TCEANC2: variants seen among roughly 807,000 people sequenced by gnomAD.
The protein encoded by TCEANC2 is transcription elongation factor A N-terminal and central domain-containing protein 2.
Under a neutral mutation model 22.8 loss-of-function variants are expected in TCEANC2, and 20 were observed. The observed-to-expected ratio is 0.88, with a 90% CI of 0.62 to 1.28. The LOEUF is 1.28. TCEANC2 is among the 50% of genes most tolerant of loss of function. The pLI is 0.00. For missense variants in TCEANC2, 251 were observed against 249.7 expected (o/e 1.01, Z -0.03); for synonymous variants, 84 against 95.5 (o/e 0.88, Z 0.70).
intron 2 of TCEANC2, among the ~76,000 whole-genome samples, chr1:54,062,039 T>G (rs982165199): frequency 6.6e-6 from 1 of 152,220 alleles, no homozygotes; most frequent in Non-Finnish European, 1.5e-5. Context: ...TACTCATTCT[T>G]TTAGGTTCAT....
intron 3 of TCEANC2, among the ~76,000 whole-genome samples, chr1:54,080,233 T>C (rs1171853674): frequency 2.6e-5 from 4 of 151,186 alleles, no homozygotes; most frequent in African/African-American, 7.3e-5. Context: ...AACCTCCGAC[T>C]CCTGGGTTCA....
chr1:54,088,146 T>C (rs1658374421), intron 3 of TCEANC2, among the ~76,000 whole-genome samples: 2 of 152,218 alleles, frequency 1.3e-5, no homozygotes, highest in Admixed American at 6.5e-5. Flanking sequence ...TGTCTCTGAA[T>C]GAATTATTTC....
At chr1:54,084,857 C>A (rs1356929981) in intron 3 of TCEANC2, among the ~76,000 whole-genome samples, 1 of 152,120 alleles carries the variant, frequency 6.6e-6, no homozygotes, top group Non-Finnish European at 1.5e-5. Flanking sequence ...GCATCTACTA[C>A]AGTGACCAAG....
At chr1:54,107,306 A>G (rs1456316198), downstream of TCEANC2, among the ~76,000 whole-genome samples, 2 of 152,126 alleles carry the variant, frequency 1.3e-5, no homozygotes, top group African/African-American at 4.8e-5. Flanking sequence ...GAAGAATACC[A>G]CTGAGATGAA....
chr1:54,054,190 C>T lies in TCEANC2; in HGVS notation c.-42-191C>T, dbSNP rs1657692252. 2.9e-6 allele frequency: 4 copies of T among 1,386,086 alleles called. No homozygotes were observed. In the East Asian group the frequency reaches 7.7e-5, roughly 27 times the overall value. 85.9% of individuals were successfully genotyped at this position (1,386,086 alleles called of 1,614,324 possible). A position where few individuals can be genotyped will look rare whatever the true frequency, so the allele number is the denominator to read the frequency against. ...GGAACCTCCTAACTCAGGACGTAGACTGATGATTGATTACAGTTTCAATTC... is the reference window on the plus strand; with the variant it reads ...GGAACCTCCTAACTCAGGACGTAGATTGATGATTGATTACAGTTTCAATTC... On this transcript the variant is annotated intron_variant, in intron 1 of 4. Coordinates refer to ENST00000234827, the MANE Select transcript of TCEANC2 (RefSeq NM_153035.3).
At position 54,100,947 on chromosome 1, in the gene TCEANC2, C is replaced by T. The variant is rs563907520; in HGVS notation, c.*4474C>T. 1.3e-5 allele frequency: 2 copies of T among 151,116 alleles called. No homozygotes were observed. The highest frequency in any genetic ancestry group is 4.8e-5 in the African/African-American group (2 of 41,250). The allele number at this position is 151,116 out of a possible 1,614,324, so 9.4% of individuals were successfully genotyped here. On this transcript the variant is annotated 3_prime_UTR_variant, in exon 5 of 5. Transcript: ENST00000234827. The stretch of plus-strand genomic sequence containing the variant: ...GCAAAGGAAAGAAACACTTGAGATT[C>T]AGTCAATTAGAGGTTTTTTTTTTTT...
At position 54,096,701 on chromosome 1, in the gene TCEANC2, G is replaced by C. The variant is rs901721964; in HGVS notation, c.*228G>C. 2.4e-6 allele frequency: 3 copies of C among 1,226,202 alleles called. No homozygotes were observed. Among genetic ancestry groups the C allele is most frequent in the Non-Finnish European group, 3.1e-6 (3 of 962,822 alleles). 76.0% of individuals were successfully genotyped at this position (1,226,202 alleles called of 1,614,324 possible). On this transcript the variant is annotated 3_prime_UTR_variant, in exon 5 of 5. Coordinates refer to ENST00000234827, the MANE Select transcript of TCEANC2 (RefSeq NM_153035.3). This position sits in a 1 kb window ranked among gnomAD's most constrained non-coding sequence, Gnocchi z 4.9. ...GTGCTGCCTAACAGAACGCACACTG[G>C]CTGTCACTAGGAAGCGCCATACGGT...
At chr1:54,106,911 G>A (rs1430019306), downstream of TCEANC2, among the ~76,000 whole-genome samples, 1 of 152,088 alleles carries the variant, frequency 6.6e-6, no homozygotes, top group African/African-American at 2.4e-5. Flanking sequence ...TACACAAAAA[G>A]TGGCAAAAAT....
intron 3 of TCEANC2, among the ~76,000 whole-genome samples, chr1:54,069,387 C>T (rs573579413): frequency 5.9e-5 from 9 of 152,078 alleles, no homozygotes; most frequent in Non-Finnish European, 1.2e-4. Context: ...GTGAGCAGAT[C>T]ACTTGAGGTC....
At chr1:54,093,405 A>G (rs1231013284) in intron 4 of TCEANC2, among the ~76,000 whole-genome samples, 1 of 152,208 alleles carries the variant, frequency 6.6e-6, no homozygotes, top group Non-Finnish European at 1.5e-5. Context: ...AACTTGTTAT[A>G]CATAAGGTAC....
intron 3 of TCEANC2, among the ~76,000 whole-genome samples, chr1:54,069,563 G>A (rs1195209324): frequency 2.0e-5 from 3 of 150,432 alleles, no homozygotes; most frequent in African/African-American, 4.9e-5. Flanking sequence ...AGCCAAGATC[G>A]TGCCACTGCA....
chr1:54,096,871 G>A lies in TCEANC2; in HGVS notation c.*398G>A, dbSNP rs1293616255. 4.0e-6 allele frequency: 4 copies of A among 991,652 alleles called. No homozygotes were observed. The highest frequency in any genetic ancestry group is 3.6e-6 in the Non-Finnish European group (3 of 833,690). The allele number at this position is 991,652 out of a possible 1,614,324, so 61.4% of individuals were successfully genotyped here. A position where few individuals can be genotyped will look rare whatever the true frequency, so the allele number is the denominator to read the frequency against. On this transcript the variant is annotated 3_prime_UTR_variant, in exon 5 of 5. Transcript: ENST00000234827. The surrounding 1 kb of genome is among the most constrained non-coding windows in gnomAD (Gnocchi z 4.9). ...TAACTGAAACTCAATTACCGCTGCC[G>A]CTCACTCGGTTCCATCCCCCTGAGT...
chr1:54,054,120 C>T (rs1185580809), intron 1 of TCEANC2: 7 of 622,914 alleles, frequency 1.1e-5, no homozygotes, highest in Non-Finnish European at 1.7e-5. Context: ...GGGCCAATTC[C>T]CCCAATGTTG....
chr1:54,102,024 A>G lies in TCEANC2; in HGVS notation c.*5551A>G, dbSNP rs912072871. Reference sequence around the variant, plus strand: ...GATGTGGCAGGGACATTCTCTTGAAAGTAAAAGACAATTATTGCATCTCAC... The same window carrying G: ...GATGTGGCAGGGACATTCTCTTGAAGGTAAAAGACAATTATTGCATCTCAC... On this transcript the variant is annotated 3_prime_UTR_variant, in exon 5 of 5. Transcript: ENST00000234827. The G allele has an allele frequency of 3.3e-5, 5 of 152,366 alleles. No individual in the cohort carries two copies. In the East Asian group the frequency reaches 9.6e-4, roughly 29 times the overall value. 9.4% of individuals were successfully genotyped at this position (152,366 alleles called of 1,614,324 possible).
In TCEANC2 at chr1:54,096,363, C is replaced by T. The variant is rs770131308; in HGVS notation, c.517C>T (p.Arg173Trp). ...CSRLINGPYRRTVRALVFTLK... is the reference protein window; with the variant it reads ...CSRLINGPYRWTVRALVFTLK... ...CCGCCTCATTAATGGGCCGTACCGG[C>T]GGACGGTGAGAGCCCTGGTCTTCAC... The change falls in exon 5 of 5, where the codon CGG becomes TGG. Residue 173 changes from arginine to tryptophan, a missense_variant. Transcript: ENST00000234827. The surrounding 1 kb of genome is among the most constrained non-coding windows in gnomAD (Gnocchi z 4.9). 10 of 1,613,032 alleles carry T rather than the reference C, an allele frequency of 6.2e-6. No homozygotes were observed. Among genetic ancestry groups the T allele is most frequent in the South Asian group, 1.1e-5 (1 of 91,060 alleles).
At chr1:54,067,584 T>C (rs571915726) in intron 2 of TCEANC2, among the ~76,000 whole-genome samples, 3 of 152,292 alleles carry the variant, frequency 2.0e-5, no homozygotes, top group Non-Finnish European at 4.4e-5. Flanking sequence ...GCTTTGAACC[T>C]GGAAGGGTCA....
Position 54,099,793 on chromosome 1 carries a change from G to A in TCEANC2, c.*3320G>A, listed in dbSNP as rs1355248185. 1 of 152,162 alleles carries A rather than the reference G, an allele frequency of 6.6e-6. No individual in the cohort carries two copies. Among genetic ancestry groups the A allele is most frequent in the Non-Finnish European group, 1.5e-5 (1 of 68,190 alleles). The allele number at this position is 152,162 out of a possible 1,614,324, so 9.4% of individuals were successfully genotyped here. A position where few individuals can be genotyped will look rare whatever the true frequency, so the allele number is the denominator to read the frequency against. ...AGAAAAAAGTTGCCCCTGAAATGGG[G>A]TGAGAGTAGTTCCTGAGACCTCTGA... On this transcript the variant is annotated 3_prime_UTR_variant, in exon 5 of 5. Coordinates refer to ENST00000234827, the MANE Select transcript of TCEANC2 (RefSeq NM_153035.3).
At position 54,103,672 on chromosome 1, in the gene TCEANC2, CAG is replaced by C. The variant is rs909423603; in HGVS notation, c.*7203_*7204del. On this transcript the variant is annotated 3_prime_UTR_variant, in exon 5 of 5. Coordinates refer to ENST00000234827, the MANE Select transcript of TCEANC2 (RefSeq NM_153035.3). ...TGCTGAGTGTTCGGCCTGCCAGTAA[CAG>C]AGACCAACTCTGAACCTAGATATAG... is the stretch of plus-strand genomic sequence containing the variant. 13 of 152,246 alleles carry C rather than the reference CAG, an allele frequency of 8.5e-5. No individual in the cohort carries two copies. Among genetic ancestry groups the C allele is most frequent in the African/African-American group, 3.1e-4 (13 of 41,464 alleles). The allele number at this position is 152,246 out of a possible 1,614,324, so 9.4% of individuals were successfully genotyped here.
intron 3 of TCEANC2, among the ~76,000 whole-genome samples, chr1:54,077,975 T>A (rs113138254): frequency 1.8e-4 from 27 of 152,338 alleles, no homozygotes; most frequent in African/African-American, 6.0e-4. Context: ...ACCTCTTGGA[T>A]ATGCATCTCC....
Sources: allele counts gnomAD v4.1 joint callset (sites outside exome capture counted in the v4.1 genomes callset), GRCh38; gene constraint gnomAD v4.1.1; non-coding constraint Gnocchi (gnomAD v3.1); transcripts MANE v1.5; gene names NCBI Gene and HGNC (gene_info 2026-07-23, HGNC 2026-07-21).